Variants in CCDC40 observed in about 807,000 individuals in gnomAD.
CCDC40 encodes coiled-coil domain-containing protein 40.
A neutral mutation model predicts 124.5 loss-of-function variants in CCDC40; 104 were observed. The observed-to-expected ratio is 0.84, with a 90% CI of 0.71 to 0.98. The LOEUF is 0.98. Among genes scored for constraint, CCDC40 ranks in the 50% least tolerant of loss-of-function variants. CCDC40 has a pLI of 0.00. For synonymous variants in CCDC40, 580 were observed against 602.9 expected, an observed-to-expected ratio of 0.96 and a Z score of 0.56; for missense variants, 1,463 against 1,503.9, an observed-to-expected ratio of 0.97 and a Z score of 0.45.
intron 12 of CCDC40, 94 bp downstream of exon 12, chr17:80,082,152 G>A: frequency 3.6e-6 from 4 of 1,111,692 alleles, no homozygotes; most frequent in South Asian, 1.3e-5. Context: ...GGCGGAGTCA[G>A]TGTGAGCAGA....
Position 80,037,685 on chromosome 17 carries a change from A to AT in CCDC40, c.30-438_30-437insT, listed in dbSNP as rs1208306303. Among the ~76,000 whole-genome samples, 14 of 65,328 alleles carry AT rather than the reference A, an allele frequency of 2.1e-4. No individual in the cohort carries two copies. The East Asian group carries it at 3.5e-3, about 16-fold the overall frequency. 42.9% of individuals were successfully genotyped at this position (65,328 alleles called of 152,430 possible). A position where few individuals can be genotyped will look rare whatever the true frequency, so the allele number is the denominator to read the frequency against. ...AATAGCTTGAATCTTTAATTTTTTA[A>AT]AAAAGATATACATATATATATATAT... On this transcript the variant is annotated intron_variant, in intron 1 of 19. Transcript: ENST00000397545.
intron 10 of CCDC40, chr17:80,067,551 T>C (rs1384481854): frequency 6.5e-7 from 1 of 1,527,430 alleles, no homozygotes; most frequent in South Asian, 1.2e-5. Context: ...CACCGCTCGT[T>C]CCCGCCTTTC....
At chr17:80,049,059 C>A (rs971790062) in intron 5 of CCDC40, among the ~76,000 whole-genome samples, 1 of 141,060 alleles carries the variant, frequency 7.1e-6, no homozygotes, top group African/African-American at 3.1e-5. Context: ...CCCCCTGCTA[C>A]ATGCCAGGAG....
intron 9 of CCDC40, among the ~76,000 whole-genome samples, chr17:80,064,116 G>A (rs2037973530): frequency 6.6e-6 from 1 of 152,096 alleles, no homozygotes; most frequent in African/African-American, 2.4e-5. Flanking sequence ...CCCTCATCGT[G>A]GTATACTTAA....
At chr17:80,061,138 G>A (rs1048250319) in intron 9 of CCDC40, among the ~76,000 whole-genome samples, 13 of 152,164 alleles carry the variant, frequency 8.5e-5, no homozygotes, top group African/African-American at 3.1e-4. Context: ...CTGAGGTCAG[G>A]AGTTCGAGAC....
At chr17:80,090,086 G>A in intron 17 of CCDC40, 1 of 1,536,704 alleles carries the variant, frequency 6.5e-7, no homozygotes, top group Non-Finnish European at 8.7e-7. Flanking sequence ...CACTGGCAAA[G>A]CGCACGTCCC....
rs1331405629 is a variant in CCDC40, at chr17:80,039,820, A to G, written c.102A>G (p.Pro34=). ...EGNNESHMVS[P]PEKDDGQKGE... Reference sequence around the variant, plus strand: ...CTGCCACACCTTTACAGGTGTCACCACCAGAGAAGGATGATGGCCAGAAAG... The same window carrying G: ...CTGCCACACCTTTACAGGTGTCACCGCCAGAGAAGGATGATGGCCAGAAAG... Residue 34 remains proline (P), a synonymous_variant, in exon 3 of 20, where the codon CCA becomes CCG. Transcript: ENST00000397545. The G allele has an allele frequency of 6.2e-7, 1 of 1,613,208 alleles. No individual in the cohort carries two copies. The highest frequency in any genetic ancestry group is 1.3e-5 in the African/African-American group (1 of 74,824).
intron 7 of CCDC40, among the ~76,000 whole-genome samples, chr17:80,055,376 T>A (rs2037710510): frequency 6.6e-6 from 1 of 152,214 alleles, no homozygotes. Flanking sequence ...AGTTTTCTTC[T>A]ACACCAGTAA....
chr17:80,056,002 A>ATTTTTT (rs1397122647), intron 7 of CCDC40, among the ~76,000 whole-genome samples: 26 of 7,830 alleles, frequency 3.3e-3, no homozygotes, highest in Non-Finnish European at 5.3e-3. Context: ...ATATATATAT[A>ATTTTTT]TATATATATA....
intron 7 of CCDC40, among the ~76,000 whole-genome samples, chr17:80,055,483 C>A (rs1041301821): frequency 2.0e-5 from 3 of 151,712 alleles, no homozygotes; most frequent in African/African-American, 7.3e-5. Context: ...GAATGATGAG[C>A]CTGTCTGAAA....
In CCDC40 at chr17:80,039,930, C is replaced by T. The variant is rs768037416; in HGVS notation, c.212C>T (p.Thr71Ile). ...EAAIEEGEVE[T>I]EGEAAVEGEE... The stretch of plus-strand genomic sequence containing the variant: ...GCAATTGAAGAGGGGGAGGTGGAGA[C>T]AGAAGGGGAAGCAGCAGTGGAAGGG... Residue 71 changes from threonine to isoleucine, a missense_variant, in exon 3 of 20, where the codon ACA (threonine) becomes ATA (isoleucine). Thr to Ile is a moderately conservative substitution (Grantham distance 89). Coordinates refer to ENST00000397545, the MANE Select transcript of CCDC40 (RefSeq NM_017950.4). 1.9e-6 allele frequency: 3 copies of T among 1,613,144 alleles called. No homozygotes were observed. Among genetic ancestry groups the T allele is most frequent in the Non-Finnish European group, 2.5e-6 (3 of 1,179,366 alleles).
At chr17:80,074,337 C>T (rs1308114388) in intron 10 of CCDC40, among the ~76,000 whole-genome samples, 3 of 152,088 alleles carry the variant, frequency 2.0e-5, no homozygotes, top group South Asian at 2.1e-4. Context: ...GGTGAAACCC[C>T]GTCTCTACTA....
At position 80,066,556 on chromosome 17, in the gene CCDC40, G is replaced by T. The variant is rs972403040; in HGVS notation, c.1562+950G>T. ...GTGGGTCACGAGGCCAGGAGTTCAA[G>T]ACCAGCCTGGCCAAGATGGTGAAAC... is the stretch of plus-strand genomic sequence containing the variant. On this transcript the variant is annotated intron_variant, in intron 10 of 19. Transcript: ENST00000397545. This position sits in a 1 kb window ranked among gnomAD's most constrained non-coding sequence, Gnocchi z 4.4. The T allele has an allele frequency of 1.1e-5, 2 of 189,774 alleles. No individual in the cohort carries two copies. Among genetic ancestry groups the T allele is most frequent in the African/African-American group, 4.7e-5 (2 of 42,184 alleles). 11.8% of individuals were successfully genotyped at this position (189,774 alleles called of 1,614,324 possible). A position where few individuals can be genotyped will look rare whatever the true frequency, so the allele number is the denominator to read the frequency against.
chr17:80,038,508 G>A (rs56136831), intron 2 of CCDC40, among the ~76,000 whole-genome samples: 11,197 of 151,428 alleles, frequency 0.074, 557 homozygotes, highest in Middle Eastern at 0.11. Flanking sequence ...TCCAGCCTGG[G>A]TGACCAGTGA....
At chr17:80,051,054 C>T (rs916754672) in intron 7 of CCDC40, among the ~76,000 whole-genome samples, 1 of 152,202 alleles carries the variant, frequency 6.6e-6, no homozygotes, top group East Asian at 1.9e-4. Flanking sequence ...GCAACATTAC[C>T]GATAAAGCAA....
chr17:80,063,518 G>A (rs1278114307), intron 9 of CCDC40, among the ~76,000 whole-genome samples: 1 of 152,142 alleles, frequency 6.6e-6, no homozygotes, highest in Non-Finnish European at 1.5e-5. Context: ...CTCAGTTTAA[G>A]GTGCATCCTG....
chr17:80,057,493 C>T (rs1056066062), intron 7 of CCDC40, among the ~76,000 whole-genome samples: 1 of 152,190 alleles, frequency 6.6e-6, no homozygotes, highest in African/African-American at 2.4e-5. Context: ...TGTTTGGATC[C>T]AGCCACTGAA....
Position 80,081,734 on chromosome 17 carries a change from A to G in CCDC40, c.1751A>G (p.Asn584Ser), listed in dbSNP as rs2038454711. The change falls in exon 11 of 20, where the codon AAT (asparagine) becomes AGT (serine). Residue 584 changes from asparagine (N) to serine (S), a missense_variant. Transcript: ENST00000397545. ...CAGGTGGCCCTGCAGAGCCAGTTCA[A>G]TACCTACAGGCTCACCCTGCAGGAC... is the stretch of plus-strand genomic sequence containing the variant. Reference protein sequence around the residue: ...TKQVALQSQFNTYRLTLQDTE... With the variant: ...TKQVALQSQFSTYRLTLQDTE... The G allele has an allele frequency of 1.9e-6, 3 of 1,614,138 alleles. No individual in the cohort carries two copies. Among genetic ancestry groups the G allele is most frequent in the Admixed American group, 1.7e-5 (1 of 60,020 alleles).
At chr17:80,095,518 A>T in intron 18 of CCDC40, 67 bp downstream of exon 18, 1 of 1,516,182 alleles carries the variant, frequency 6.6e-7, no homozygotes, top group Non-Finnish European at 9.1e-7. Context: ...ACACTCCAGG[A>T]AGGCGTCTTG....
Sources: allele counts gnomAD v4.1 joint callset (sites outside exome capture counted in the v4.1 genomes callset), GRCh38; gene constraint gnomAD v4.1.1; non-coding constraint Gnocchi (gnomAD v3.1); transcripts MANE v1.5; gene names NCBI Gene and HGNC (gene_info 2026-07-23, HGNC 2026-07-21).